The following TRAK1 variants were observed in gnomAD, a reference collection of about 807,000 sequenced individuals.
TRAK1 encodes the protein trafficking kinesin-binding protein 1.
In TRAK1, 33 loss-of-function variants were observed where a neutral mutation model predicts 92.1. The ratio of observed to expected loss-of-function variants is 0.36; its 90% CI spans 0.27 to 0.48. TRAK1 has a LOEUF of 0.48. Among genes scored for constraint, TRAK1 ranks in the 20% least tolerant of loss-of-function variants. The pLI, the probability that TRAK1 is intolerant of heterozygous loss-of-function variation, is 0.99. For synonymous variants in TRAK1, 521 were observed against 517.3 expected (o/e 1.01, Z -0.10); for missense variants, 1,123 against 1,257.9 (o/e 0.89, Z 1.62).
chr3:42,161,826 G>A (rs879269382), intron 2 of TRAK1, among the ~76,000 whole-genome samples: 4 of 152,198 alleles, frequency 2.6e-5, no homozygotes, highest in African/African-American at 7.2e-5. Flanking sequence ...AAGGAGATGG[G>A]GGAGGGGAGA....
chr3:42,087,815 A>G (rs1704756885), upstream of TRAK1, among the ~76,000 whole-genome samples: 1 of 152,182 alleles, frequency 6.6e-6, no homozygotes, highest in South Asian at 2.1e-4. Flanking sequence ...GTGGGATGCA[A>G]AAACAGAAAA....
chr3:42,034,002 G>A (rs1702238606), intron 1 of TRAK1, among the ~76,000 whole-genome samples: 1 of 152,144 alleles, frequency 6.6e-6, no homozygotes, highest in African/African-American at 2.4e-5. Flanking sequence ...CCTGGTCATA[G>A]CCTGGACTGT....
intron 8 of TRAK1, 71 bp from the exon 9 acceptor site, chr3:42,193,753 G>A: frequency 6.7e-7 from 1 of 1,484,260 alleles, no homozygotes; most frequent in East Asian, 2.3e-5. Context: ...TACAGATTAG[G>A]TTAATAAGAG....
At chr3:42,191,716 G>A in intron 7 of TRAK1, 80 bp downstream of exon 7, 7 of 1,471,302 alleles carry the variant, frequency 4.8e-6, no homozygotes, top group Non-Finnish European at 6.5e-6. Context: ...CCTTGCTAAA[G>A]TGCAGTCTCC....
At chr3:42,194,575 C>T (rs910403624) in intron 9 of TRAK1, among the ~76,000 whole-genome samples, 1 of 152,136 alleles carries the variant, frequency 6.6e-6, no homozygotes, top group African/African-American at 2.4e-5. Flanking sequence ...GTTTCATTTG[C>T]CCATTGTTGG....
chr3:42,088,565 C>T (rs1704810513), upstream of TRAK1, among the ~76,000 whole-genome samples: 1 of 152,204 alleles, frequency 6.6e-6, no homozygotes, highest in East Asian at 1.9e-4. Context: ...CCCGTGTTTC[C>T]CGCAGGCCAG....
At chr3:42,058,890 A>G (rs746374587) in intron 1 of TRAK1, among the ~76,000 whole-genome samples, 1 of 152,164 alleles carries the variant, frequency 6.6e-6, no homozygotes, top group Non-Finnish European at 1.5e-5. Flanking sequence ...AATTTTAGAG[A>G]TATTGAAATG....
intron 1 of TRAK1, among the ~76,000 whole-genome samples, chr3:42,047,976 A>G (rs1466277436): frequency 6.7e-6 from 1 of 150,094 alleles, no homozygotes; most frequent in Non-Finnish European, 1.5e-5. Flanking sequence ...CAAAACAGTA[A>G]TAGGATGGTG....
intron 6 of TRAK1, among the ~76,000 whole-genome samples, chr3:42,189,500 C>A (rs901350229): frequency 3.9e-4 from 59 of 152,258 alleles, no homozygotes; most frequent in African/African-American, 1.4e-3. Flanking sequence ...GGAAGTAGTC[C>A]ATGGGTGCTC....
At chr3:42,200,178 A>G (rs1299701462) in intron 11 of TRAK1, among the ~76,000 whole-genome samples, 3 of 152,232 alleles carry the variant, frequency 2.0e-5, no homozygotes, top group African/African-American at 7.2e-5. Context: ...GAGGTTTGGT[A>G]TATGTGTGAC....
At chr3:42,038,228 A>C (rs192581594) in intron 1 of TRAK1, among the ~76,000 whole-genome samples, 28 of 152,292 alleles carry the variant, frequency 1.8e-4, no homozygotes, top group African/African-American at 6.3e-4. Context: ...GTGGCTTTAA[A>C]ATCTTTTAAA....
chr3:42,224,656 G>C lies in TRAK1; in HGVS notation c.*919G>C, dbSNP rs1710644622. ...CAAATTGATTTAAGACCGGACCCAA[G>C]ACACCTTTAACAATAGGACTGAAAG... On this transcript the variant is annotated 3_prime_UTR_variant, in exon 16 of 16. Transcript: ENST00000327628. 1 of 152,188 alleles carries C rather than the reference G, an allele frequency of 6.6e-6. No homozygotes were observed. Among genetic ancestry groups the C allele is most frequent in the African/African-American group, 2.4e-5 (1 of 41,404 alleles). 9.4% of individuals were successfully genotyped at this position (152,188 alleles called of 1,614,324 possible).
rs1487424800 is a variant in TRAK1, at chr3:42,091,517, G to T, written c.48G>T (p.Leu16=). The part of the protein sequence containing the change: ...QFGQPVRAQP[L]PGLCHGKLIR... Reference sequence around the variant, plus strand: ...GGCAGCCCGTCAGGGCTCAGCCTCTGCCAGGACTCTGCCACGGCAAGCTCA... The same window carrying T: ...GGCAGCCCGTCAGGGCTCAGCCTCTTCCAGGACTCTGCCACGGCAAGCTCA... Residue 16 remains leucine (L), a synonymous_variant, in exon 1 of 16, where the codon CTG becomes CTT. Coordinates refer to ENST00000327628, the MANE Select transcript of TRAK1 (RefSeq NM_001042646.3). The T allele has an allele frequency of 6.2e-7, 1 of 1,613,400 alleles. No homozygotes were observed. Among genetic ancestry groups the T allele is most frequent in the East Asian group, 2.2e-5 (1 of 44,876 alleles).
In TRAK1 at chr3:42,223,555, C is replaced by T; in HGVS notation, c.2680C>T (p.Leu894=). The part of the protein sequence containing the change: ...LVPRGLVPEG[L]PLRCPTVTSA... ...TCCCAGAGGCCTGGTACCTGAGGGC[C>T]TGCCCCTCAGATGCCCCACTGTCAC... Residue 894 remains leucine, a synonymous_variant, in exon 16 of 16, where the codon CTG becomes TTG. Coordinates refer to ENST00000327628, the MANE Select transcript of TRAK1 (RefSeq NM_001042646.3). The surrounding 1 kb of genome is among the most constrained non-coding windows in gnomAD (Gnocchi z 6.1). The T allele has an allele frequency of 1.2e-6, 2 of 1,613,876 alleles. No homozygotes were observed. Among genetic ancestry groups the T allele is most frequent in the Non-Finnish European group, 8.5e-7 (1 of 1,179,974 alleles).
At chr3:42,221,307 G>C (rs958860443) in intron 15 of TRAK1, among the ~76,000 whole-genome samples, 2 of 151,990 alleles carry the variant, frequency 1.3e-5, no homozygotes, top group Admixed American at 1.3e-4. Context: ...ATTTGTTGTG[G>C]TTTCTAATCA....
intron 1 of TRAK1, among the ~76,000 whole-genome samples, chr3:42,040,191 G>A (rs1702480439): frequency 6.6e-6 from 1 of 151,964 alleles, no homozygotes; most frequent in African/African-American, 2.4e-5. Flanking sequence ...TAATTTTAAT[G>A]AAGTCTTATT....
At chr3:42,200,506 T>TTTTTG (rs1707370233) in intron 11 of TRAK1, among the ~76,000 whole-genome samples, 1 of 152,224 alleles carries the variant, frequency 6.6e-6, no homozygotes, top group Non-Finnish European at 1.5e-5. Flanking sequence ...ACAAAAGTCA[T>TTTTTG]ACTTAAGTAT....
intron 1 of TRAK1, among the ~76,000 whole-genome samples, chr3:42,045,899 T>A (rs939469489): frequency 1.3e-5 from 2 of 152,270 alleles, no homozygotes; most frequent in Non-Finnish European, 1.5e-5. Flanking sequence ...TAATGTGCTT[T>A]ATTCAGAGTT....
chr3:42,081,334 G>A (rs191313654), intron 1 of TRAK1, among the ~76,000 whole-genome samples: 1 of 152,306 alleles, frequency 6.6e-6, no homozygotes, highest in East Asian at 1.9e-4. Context: ...CTCAAGGTTA[G>A]CAGTGTGAAA....
Sources: allele counts gnomAD v4.1 joint callset (sites outside exome capture counted in the v4.1 genomes callset), GRCh38; gene constraint gnomAD v4.1.1; non-coding constraint Gnocchi (gnomAD v3.1); transcripts MANE v1.5; gene names NCBI Gene and HGNC (gene_info 2026-07-23, HGNC 2026-07-21).